The following TENM4 variants were observed in gnomAD, a reference collection of about 807,000 sequenced individuals.
TENM4 encodes the protein teneurin-4.
In TENM4, 82 loss-of-function variants were observed where a neutral mutation model predicts 243.3. The ratio of observed to expected loss-of-function variants is 0.34; its 90% confidence interval spans 0.28 to 0.40. The LOEUF (loss-of-function observed/expected upper bound fraction) is 0.40, where lower values mean the gene tolerates loss of function less well. TENM4 is among the 10% of genes least tolerant of loss of function. The pLI is 1.00. For missense variants in TENM4, 3,138 were observed against 3,673.3 expected (o/e 0.85, Z 3.77); for synonymous variants, 1,412 against 1,456.3 (o/e 0.97, Z 0.69).
intron 6 of TENM4, among the ~76,000 whole-genome samples, chr11:79,004,318 C>T (rs946413305): frequency 6.6e-6 from 1 of 152,202 alleles, no homozygotes; most frequent in Non-Finnish European, 1.5e-5. Context: ...GAACTCTCCA[C>T]CCCAAACCAA....
At chr11:79,083,203 C>A (rs1860721466) in intron 4 of TENM4, among the ~76,000 whole-genome samples, 1 of 152,172 alleles carries the variant, frequency 6.6e-6, no homozygotes, top group African/African-American at 2.4e-5. Context: ...AGGCAGTGTG[C>A]AGCTGCCTCC....
chr11:79,185,065 G>T (rs1360599521), intron 3 of TENM4, among the ~76,000 whole-genome samples: 1 of 152,178 alleles, frequency 6.6e-6, no homozygotes, highest in Non-Finnish European at 1.5e-5. Flanking sequence ...TTGGGAGGCT[G>T]ATGGGGAGGA....
At chr11:79,315,275 A>G (rs1350768528) in intron 1 of TENM4, among the ~76,000 whole-genome samples, 1 of 152,194 alleles carries the variant, frequency 6.6e-6, no homozygotes, top group Non-Finnish European at 1.5e-5. Context: ...AGCTCCCTGG[A>G]TCCTGTACCT....
At chr11:79,061,738 T>C (rs1189230781) in intron 6 of TENM4, among the ~76,000 whole-genome samples, 3 of 152,162 alleles carry the variant, frequency 2.0e-5, no homozygotes, top group South Asian at 2.1e-4. Flanking sequence ...TCACTGTAAC[T>C]AGGGCTGTAA....
At chr11:78,873,660 A>G (rs1353504637) in intron 9 of TENM4, among the ~76,000 whole-genome samples, 1 of 152,244 alleles carries the variant, frequency 6.6e-6, no homozygotes, top group Non-Finnish European at 1.5e-5. Flanking sequence ...TCTCATTGTT[A>G]TATGGACCTG....
chr11:79,355,500 T>G (rs1176875167), intron 1 of TENM4, among the ~76,000 whole-genome samples: 2 of 111,134 alleles, frequency 1.8e-5, no homozygotes, highest in Admixed American at 8.5e-5. Flanking sequence ...GCCACTACAC[T>G]CCAGCCTGGG....
At chr11:78,762,211 G>C (rs983039503) in intron 18 of TENM4, among the ~76,000 whole-genome samples, 7 of 152,190 alleles carry the variant, frequency 4.6e-5, no homozygotes, top group African/African-American at 1.7e-4. Flanking sequence ...TCATGGATGT[G>C]AGGCACTTAG....
In TENM4 at chr11:79,249,875, A is replaced by G. The variant is rs545444747; in HGVS notation, c.-264-33966T>C. 4.5e-4 allele frequency among the ~76,000 whole-genome samples: 68 copies of G among 152,272 alleles called. 1 individual carries two copies. The highest frequency in any genetic ancestry group is 9.6e-4 in the Non-Finnish European group (65 of 68,048). On this transcript the variant is annotated intron_variant, in intron 2 of 33. Coordinates refer to ENST00000278550, the MANE Select transcript of TENM4 (RefSeq NM_001098816.3). Reference sequence around the variant, plus strand: ...ATTCCAGTAACTGGCACCAAATAGGAGCTGAACAGGCAATTTCTATGAGCA... The same window carrying G: ...ATTCCAGTAACTGGCACCAAATAGGGGCTGAACAGGCAATTTCTATGAGCA...
intron 12 of TENM4, among the ~76,000 whole-genome samples, chr11:78,839,771 T>A (rs1858208923): frequency 6.6e-6 from 1 of 152,244 alleles, no homozygotes; most frequent in Non-Finnish European, 1.5e-5. Flanking sequence ...CTTATGATGC[T>A]GTTTCTTTTT....
At chr11:78,800,755 G>C (rs1857266075) in intron 15 of TENM4, among the ~76,000 whole-genome samples, 1 of 152,016 alleles carries the variant, frequency 6.6e-6, no homozygotes, top group Non-Finnish European at 1.5e-5. Flanking sequence ...GAGAGAGAGA[G>C]AGAGAGAGAG....
chr11:78,792,885 T>A (rs1478341227), intron 15 of TENM4, among the ~76,000 whole-genome samples: 1 of 152,176 alleles, frequency 6.6e-6, no homozygotes, highest in Non-Finnish European at 1.5e-5. Context: ...CACAGACACA[T>A]CTTCTTCATG....
chr11:79,370,787 A>AGGT (rs1857768091), intron 1 of TENM4, among the ~76,000 whole-genome samples: 1 of 131,748 alleles, frequency 7.6e-6, no homozygotes, highest in Non-Finnish European at 1.5e-5. Flanking sequence ...GGTAAAAAAA[A>AGGT]AAAAAAAAAA....
At chr11:79,368,540 C>A (rs1028182457) in intron 1 of TENM4, among the ~76,000 whole-genome samples, 2 of 152,234 alleles carry the variant, frequency 1.3e-5, no homozygotes, top group Non-Finnish European at 1.5e-5. Flanking sequence ...TAGACTATGT[C>A]AGTCTTGCTT....
chr11:79,428,993 G>C (rs936316952), intron 1 of TENM4, among the ~76,000 whole-genome samples: 3 of 152,150 alleles, frequency 2.0e-5, no homozygotes, highest in African/African-American at 7.2e-5. Context: ...TCTGTGGTGG[G>C]GGCATGGTGC....
intron 15 of TENM4, among the ~76,000 whole-genome samples, chr11:78,793,204 C>G (rs1368904513): frequency 3.3e-5 from 5 of 152,160 alleles, no homozygotes; most frequent in Non-Finnish European, 7.3e-5. Context: ...GACTTATGCA[C>G]AATTTTCCCA....
At chr11:78,748,231 G>A (rs926968805) in intron 19 of TENM4, among the ~76,000 whole-genome samples, 3 of 152,166 alleles carry the variant, frequency 2.0e-5, no homozygotes, top group African/African-American at 4.8e-5. Flanking sequence ...AATGCTTACT[G>A]CCCTAATACC....
intron 33 of TENM4, 82 bp from the exon 34 acceptor site, chr11:78,658,898 AAG>A: frequency 6.8e-7 from 1 of 1,461,900 alleles, no homozygotes; most frequent in Non-Finnish European, 9.2e-7. Context: ...TTAAATAATG[AAG>A]TCAAAACCAC....
At chr11:79,086,867 G>C (rs1240919879) in intron 4 of TENM4, among the ~76,000 whole-genome samples, 2 of 150,330 alleles carry the variant, frequency 1.3e-5, no homozygotes, top group East Asian at 3.9e-4. Flanking sequence ...AATATTACGA[G>C]GGTAATAAGG....
chr11:79,332,388 C>T (rs754436700), intron 1 of TENM4, among the ~76,000 whole-genome samples: 41 of 152,178 alleles, frequency 2.7e-4, no homozygotes, highest in Non-Finnish European at 1.0e-4. Context: ...TCAGTCTCAG[C>T]TCCATGTGGC....
Sources: allele counts gnomAD v4.1 joint callset (sites outside exome capture counted in the v4.1 genomes callset), GRCh38; gene constraint gnomAD v4.1.1; transcripts MANE v1.5; gene names NCBI Gene and HGNC (gene_info 2026-07-23, HGNC 2026-07-21).